Variants in CD53 observed in about 807,000 individuals in gnomAD.
CD53 encodes leukocyte surface antigen CD53.
Under a neutral mutation model 27.3 loss-of-function variants are expected in CD53, and 20 were observed. That is an observed-to-expected ratio of 0.73 (90% CI 0.52 to 1.07). The LOEUF is 1.07. CD53 is among the 50% of genes least tolerant of loss of function. The pLI, the probability that CD53 is intolerant of heterozygous loss-of-function variation, is 0.00. For synonymous variants in CD53, 106 were observed against 105.3 expected, an observed-to-expected ratio of 1.01 and a Z score of -0.04; for missense variants, 216 against 264.0, an observed-to-expected ratio of 0.82 and a Z score of 1.26.
intron 1 of CD53, among the ~76,000 whole-genome samples, chr1:110,874,981 T>C (rs1418717804): frequency 6.6e-6 from 1 of 152,202 alleles, no homozygotes. Flanking sequence ...GAGTTTATTA[T>C]GGATGACAGT....
intron 7 of CD53, 42 bp downstream of exon 7, chr1:110,897,934 T>G: frequency 8.8e-7 from 1 of 1,135,516 alleles, no homozygotes; most frequent in Non-Finnish European, 1.3e-6. Context: ...ATTACATGAG[T>G]TAAGTCAGGT....
At chr1:110,888,186 C>T (rs1656706630) in intron 1 of CD53, among the ~76,000 whole-genome samples, 1 of 152,180 alleles carries the variant, frequency 6.6e-6, no homozygotes, top group South Asian at 2.1e-4. Context: ...ATACTTCTGA[C>T]CTTCAGAACT....
At chr1:110,893,115 G>C (rs1656921000) in intron 3 of CD53, among the ~76,000 whole-genome samples, 1 of 152,174 alleles carries the variant, frequency 6.6e-6, no homozygotes, top group South Asian at 2.1e-4. Context: ...GTACCTTAAG[G>C]CTTAGGTTTT....
chr1:110,873,548 A>T (rs1478766243), intron 1 of CD53, among the ~76,000 whole-genome samples: 43 of 152,140 alleles, frequency 2.8e-4, no homozygotes, highest in Admixed American at 2.8e-3. Flanking sequence ...TGATGCCTGG[A>T]GCTTTCTATG....
chr1:110,895,072 T>A lies in CD53; in HGVS notation c.423+17T>A, dbSNP rs1657006164. ...CAGTCATTTGTGAGTACAGGTGGAATCCTCTTCAGATCAGCCCAGACTTCA... is the reference window on the plus strand; with the variant it reads ...CAGTCATTTGTGAGTACAGGTGGAAACCTCTTCAGATCAGCCCAGACTTCA... On this transcript the variant is annotated intron_variant, in intron 5 of 7. Coordinates refer to ENST00000271324, the MANE Select transcript of CD53 (RefSeq NM_000560.4). The A allele has an allele frequency of 6.4e-7, 1 of 1,565,806 alleles. No homozygotes were observed. Among genetic ancestry groups the A allele is most frequent in the Non-Finnish European group, 8.8e-7 (1 of 1,136,204 alleles).
At position 110,875,693 on chromosome 1, in the gene CD53, G is replaced by T. The variant is rs530173618; in HGVS notation, c.-18+2445G>T. On this transcript the variant is annotated intron_variant, in intron 1 of 7. Transcript: ENST00000271324. ...ACCCATCTGCCACTGCAGGTGCAGG[G>T]CACTGAAGCAAAGTAACCCAGAGAA... Among the ~76,000 whole-genome samples, 4 of 152,270 alleles carry T rather than the reference G, an allele frequency of 2.6e-5. No individual in the cohort carries two copies. In the South Asian group the frequency reaches 8.3e-4, roughly 32 times the overall value.
rs1411136944 is a variant in CD53, at chr1:110,892,346, T to C, written c.65T>C (p.Ile22Thr). ...ATGTTGTGGGATTCTTCCTTTCAGA[T>C]CTGTGGCTGCTGCATTTTGGGCTTT... is the stretch of plus-strand genomic sequence containing the variant. ...VLFFFNLLFW[I>T]CGCCILGFGI... Residue 22 changes from isoleucine to threonine, a missense_variant and splice_region_variant, in exon 3 of 8, where the codon ATC becomes ACC. Ile to Thr is a moderately conservative substitution (Grantham distance 89). Coordinates refer to ENST00000271324, the MANE Select transcript of CD53 (RefSeq NM_000560.4). The C allele has an allele frequency of 6.2e-7, 1 of 1,613,300 alleles. No homozygotes were observed. The highest frequency in any genetic ancestry group is 2.2e-5 in the East Asian group (1 of 44,894).
rs564984099 is a variant in CD53, at chr1:110,878,995, AC to A, written c.-18+5748del. ...TCTAATAGGTACAAATGGAAAAAAAACATGTGCTTTTCTTTATTGTTTGATT... is the reference window on the plus strand; with the variant it reads ...TCTAATAGGTACAAATGGAAAAAAAAATGTGCTTTTCTTTATTGTTTGATT... On this transcript the variant is annotated intron_variant, in intron 1 of 7. Coordinates refer to ENST00000271324, the MANE Select transcript of CD53 (RefSeq NM_000560.4). Among the ~76,000 whole-genome samples the A allele has an allele frequency of 4.9e-3, 740 of 152,126 alleles. 5 individuals carry two copies. The highest frequency in any genetic ancestry group is 0.017 in the African/African-American group (713 of 41,544).
chr1:110,886,869 A>ATATTTTT (rs1298376721), intron 1 of CD53, among the ~76,000 whole-genome samples: 11 of 82,784 alleles, frequency 1.3e-4, no homozygotes, highest in African/African-American at 4.8e-4. Flanking sequence ...ATATATATAT[A>ATATTTTT]TTTTTTTTTT....
intron 5 of CD53, among the ~76,000 whole-genome samples, chr1:110,895,802 T>C (rs1430435091): frequency 6.6e-6 from 1 of 152,200 alleles, no homozygotes; most frequent in African/African-American, 2.4e-5. Context: ...TCTTCAATAG[T>C]TAACATTTTC....
At position 110,885,805 on chromosome 1, in the gene CD53, A is replaced by C. The variant is rs899004158; in HGVS notation, c.-17-5587A>C. On this transcript the variant is annotated intron_variant, in intron 1 of 7. Transcript: ENST00000271324. ...CTTGAACCTGAGAGGCGGAGGTTGC[A>C]GTGAGCCGAGATCACACCACTGCAC... Among the ~76,000 whole-genome samples, 6 of 152,020 alleles carry C rather than the reference A, an allele frequency of 3.9e-5. No homozygotes were observed. In the South Asian group the frequency reaches 1.0e-3, roughly 26 times the overall value.
intron 4 of CD53, 128 bp from the exon 5 acceptor site, chr1:110,894,832 C>T: frequency 1.4e-6 from 1 of 708,082 alleles, no homozygotes; most frequent in African/African-American, 1.7e-5. Context: ...CTCCCCTCAC[C>T]CTTAGTTCTG....
At chr1:110,879,648 T>A (rs1162751215) in intron 1 of CD53, among the ~76,000 whole-genome samples, 1 of 152,178 alleles carries the variant, frequency 6.6e-6, no homozygotes, top group Non-Finnish European at 1.5e-5. Context: ...ACCAAAGCTG[T>A]CTTATGTGGC....
At chr1:110,897,726 C>A in intron 6 of CD53, 83 bp from the exon 7 acceptor site, 2 of 789,612 alleles carry the variant, frequency 2.5e-6, no homozygotes, top group South Asian at 1.7e-5. Flanking sequence ...AAGCAAAATG[C>A]AAAGCACTGT....
rs193295780 is a variant in CD53, at chr1:110,890,619, G to A, written c.-17-773G>A. Among the ~76,000 whole-genome samples, 432 of 152,148 alleles carry A rather than the reference G, an allele frequency of 2.8e-3. 2 individuals are homozygous for A. The highest frequency in any genetic ancestry group is 0.01 in the African/African-American group (416 of 41,522). Reference sequence around the variant, plus strand: ...AGAGAAAGGAAAGGAAAGCGAAAAGGAAAAGTCAAAATTCTGTATCTGGAT... The same window carrying A: ...AGAGAAAGGAAAGGAAAGCGAAAAGAAAAAGTCAAAATTCTGTATCTGGAT... On this transcript the variant is annotated intron_variant, in intron 1 of 7. Coordinates refer to ENST00000271324, the MANE Select transcript of CD53 (RefSeq NM_000560.4).
rs761082946 is a variant in CD53, at chr1:110,896,700, A to T, written c.471A>T (p.Pro157=). Residue 157 remains proline, a synonymous_variant, in exon 6 of 8, where the codon CCA becomes CCT. Coordinates refer to ENST00000271324, the MANE Select transcript of CD53 (RefSeq NM_000560.4). ...GCACGAGTGATTGGACCAGTGGCCC[A>T]CCAGCATCTTGCCCCTCAGATCGAA... ...INGTSDWTSG[P]PASCPSDRKV... 3 of 1,613,590 alleles carry T rather than the reference A, an allele frequency of 1.9e-6. No individual in the cohort carries two copies. Among genetic ancestry groups the T allele is most frequent in the Non-Finnish European group, 2.5e-6 (3 of 1,179,782 alleles).
chr1:110,882,361 T>C (rs1656389718), intron 1 of CD53, among the ~76,000 whole-genome samples: 2 of 152,086 alleles, frequency 1.3e-5, no homozygotes, highest in South Asian at 4.1e-4. Context: ...CATTCTGTAA[T>C]ATATTAATTT....
At chr1:110,880,220 G>A (rs1656303867) in intron 1 of CD53, 1 of 152,212 alleles carries the variant, frequency 6.6e-6, no homozygotes. Context: ...TAGTTGGAAG[G>A]GGTGGGAGGC....
chr1:110,882,819 A>G (rs980838712), intron 1 of CD53, among the ~76,000 whole-genome samples: 1 of 152,010 alleles, frequency 6.6e-6, no homozygotes, highest in Non-Finnish European at 1.5e-5. Flanking sequence ...TTCATATATG[A>G]TGCTATTGTA....
Sources: gnomAD v4.1 joint callset for allele counts (sites outside exome capture counted in the v4.1 genomes callset) on GRCh38, gnomAD v4.1.1 for gene constraint, MANE v1.5 for transcripts, NCBI Gene and HGNC (gene_info 2026-07-23, HGNC 2026-07-21) for gene names.